The following ALMS1 variants were observed in gnomAD, a reference collection of about 807,000 sequenced individuals.
ALMS1 encodes ALMS1 centrosome and basal body associated protein.
Under a neutral mutation model 352.2 loss-of-function variants are expected in ALMS1, and 271 were observed. The observed-to-expected ratio is 0.77, with a 90% CI of 0.70 to 0.85. ALMS1 has a LOEUF of 0.85. ALMS1 is among the 40% of genes least tolerant of loss of function. The pLI, the probability that ALMS1 is intolerant of heterozygous loss-of-function variation, is 0.00. For synonymous variants in ALMS1, 1,865 were observed against 1,761.2 expected, an observed-to-expected ratio of 1.06 and a Z score of -1.48; for missense variants, 5,445 against 4,870.7, an observed-to-expected ratio of 1.12 and a Z score of -3.51.
At chr2:73,560,997 G>A (rs1454742626) in intron 15 of ALMS1, among the ~76,000 whole-genome samples, 3 of 152,194 alleles carry the variant, frequency 2.0e-5, no homozygotes, top group East Asian at 1.9e-4. Context: ...TCACAAAAGG[G>A]GATGGGCTAG....
At chr2:73,533,347 G>T (rs887397423) in intron 11 of ALMS1, among the ~76,000 whole-genome samples, 1 of 152,176 alleles carries the variant, frequency 6.6e-6, no homozygotes, top group African/African-American at 2.4e-5. Flanking sequence ...TTTTATCACA[G>T]AAACCCTAAA....
chr2:73,451,126 C>A lies in ALMS1; in HGVS notation c.4599C>A (p.Phe1533Leu). Residue 1533 changes from phenylalanine to leucine, a missense_variant, in exon 8 of 23, where the codon TTC (phenylalanine) becomes TTA (leucine). Physicochemically the swap from Phe to Leu is conservative, Grantham distance 22. Transcript: ENST00000613296. ...YSQHRAKSGS[F>L]YQLALLGSQI... ...AACATAGAGCAAAGTCTGGCAGTTT[C>A]TACCAACTGGCATTGCTAGGTAGTC... 1 of 1,613,998 alleles carries A rather than the reference C, an allele frequency of 6.2e-7. No homozygotes were observed.
chr2:73,543,632 A>G (rs569515441), intron 12 of ALMS1, among the ~76,000 whole-genome samples: 93 of 152,206 alleles, frequency 6.1e-4, no homozygotes, highest in South Asian at 4.3e-3. Context: ...TAAAGGGCTA[A>G]TATCCAGAAT....
chr2:73,419,192 A>C lies in ALMS1; in HGVS notation c.520A>C (p.Arg174=). Residue 174 remains arginine, a synonymous_variant, in exon 3 of 23, where the codon AGG becomes CGG. Coordinates refer to ENST00000613296, the MANE Select transcript of ALMS1 (RefSeq NM_001378454.1). ...CCAAACCTTGGATACATCCCAGACT[A>C]GGTTTAATGTGAGAACGGAAGATAC... The part of the protein sequence containing the change: ...SSQTLDTSQT[R]FNVRTEDTEV... 6.2e-7 allele frequency: 1 copy of C among 1,613,986 alleles called. No homozygotes were observed. Among genetic ancestry groups the C allele is most frequent in the Non-Finnish European group, 8.5e-7 (1 of 1,179,882 alleles).
intron 10 of ALMS1, among the ~76,000 whole-genome samples, chr2:73,505,783 C>G (rs1673308432): frequency 6.6e-6 from 1 of 152,138 alleles, no homozygotes; most frequent in African/African-American, 2.4e-5. Context: ...TGTGCAGAAG[C>G]TCTTTAGTTT....
At chr2:73,517,175 C>A (rs564147367) in intron 10 of ALMS1, among the ~76,000 whole-genome samples, 1 of 149,146 alleles carries the variant, frequency 6.7e-6, no homozygotes, top group South Asian at 2.1e-4. Flanking sequence ...CTAGATATTA[C>A]TCTAATACAA....
chr2:73,486,396 T>C (rs1672847153), intron 9 of ALMS1, among the ~76,000 whole-genome samples: 1 of 152,174 alleles, frequency 6.6e-6, no homozygotes, highest in Non-Finnish European at 1.5e-5. Flanking sequence ...TGGCCTTTGC[T>C]GGTGTTGGTG....
intron 10 of ALMS1, among the ~76,000 whole-genome samples, chr2:73,504,321 C>CT (rs1282796512): frequency 5.9e-5 from 9 of 152,152 alleles, no homozygotes; most frequent in African/African-American, 2.2e-4. Context: ...ACATGTATAG[C>CT]TTTATGTAAC....
At chr2:73,402,055 T>A (rs909017701) in intron 1 of ALMS1, among the ~76,000 whole-genome samples, 7 of 151,044 alleles carry the variant, frequency 4.6e-5, no homozygotes, top group East Asian at 1.9e-4. Flanking sequence ...TGTGTGAGTG[T>A]GAGTGTATGT....
rs79993552 is a variant in ALMS1 at position 73,441,852 on chromosome 2, A to G, written c.1433-6108A>G. Among the ~76,000 whole-genome samples the G allele has an allele frequency of 3.9e-4, 60 of 152,140 alleles. No homozygotes were observed. The East Asian group carries it at 8.9e-3, about 23-fold the overall frequency. ...TTTATATCATTTTGTCAGGGACCAG[A>G]AGACAACTGGAGTTTTGAAAACTTG... On this transcript the variant is annotated intron_variant, in intron 7 of 22. Coordinates refer to ENST00000613296, the MANE Select transcript of ALMS1 (RefSeq NM_001378454.1).
chr2:73,462,605 A>G (rs1012092878), intron 9 of ALMS1, among the ~76,000 whole-genome samples: 1 of 152,224 alleles, frequency 6.6e-6, no homozygotes, highest in Non-Finnish European at 1.5e-5. Context: ...CACACATAAC[A>G]ATATTAACTT....
At chr2:73,473,126 C>T (rs1487454201) in intron 9 of ALMS1, among the ~76,000 whole-genome samples, 1 of 152,050 alleles carries the variant, frequency 6.6e-6, no homozygotes, top group Non-Finnish European at 1.5e-5. Context: ...AGACCCTAAG[C>T]TTTCACCACT....
intron 15 of ALMS1, among the ~76,000 whole-genome samples, chr2:73,568,992 C>CTTT (rs1674862318): frequency 3.0e-5 from 2 of 66,902 alleles, no homozygotes; most frequent in Non-Finnish European, 3.0e-5. Flanking sequence ...GCTGCTTCTG[C>CTTT]TTCTTTTTTT....
At position 73,453,475 on chromosome 2, in the gene ALMS1, G is replaced by A. The variant is rs754729193; in HGVS notation, c.6948G>A (p.Leu2316=). Residue 2316 remains leucine (L), a synonymous_variant, in exon 8 of 23, where the codon TTG becomes TTA. Transcript: ENST00000613296. ...CCACGGGTGTATCTAATGGTGATTT[G>A]CTTCACAGACAGCCATTCACAGAGG... ...PSSTGVSNGD[L]LHRQPFTEES... The A allele has an allele frequency of 1.2e-6, 2 of 1,613,306 alleles. No individual in the cohort carries two copies. The highest frequency in any genetic ancestry group is 1.7e-6 in the Non-Finnish European group (2 of 1,179,666).
At chr2:73,473,556 AAG>A (rs984140542) in intron 9 of ALMS1, among the ~76,000 whole-genome samples, 4 of 152,096 alleles carry the variant, frequency 2.6e-5, no homozygotes, top group Non-Finnish European at 5.9e-5. Context: ...CAAAGGAAAA[AAG>A]AGAAATTAAT....
chr2:73,429,654 T>C (rs1198231312), intron 6 of ALMS1, among the ~76,000 whole-genome samples: 1 of 152,200 alleles, frequency 6.6e-6, no homozygotes, highest in East Asian at 1.9e-4. Context: ...AAGCCTTAGA[T>C]TTCTTTTCTC....
At chr2:73,412,087 A>T (rs990850550) in intron 2 of ALMS1, among the ~76,000 whole-genome samples, 2 of 152,224 alleles carry the variant, frequency 1.3e-5, no homozygotes, top group Non-Finnish European at 2.9e-5. Context: ...TATTGTAGGT[A>T]TAGGTTAAAC....
intron 21 of ALMS1, among the ~76,000 whole-genome samples, chr2:73,605,876 C>G (rs1198092186): frequency 6.6e-6 from 1 of 151,834 alleles, no homozygotes; most frequent in Non-Finnish European, 1.5e-5. Flanking sequence ...GAAACTATCA[C>G]TTATCAAGTT....
Position 73,559,115 on chromosome 2 carries a change from A to G in ALMS1, c.10357A>G (p.Lys3453Glu). The G allele has an allele frequency of 1.2e-6, 2 of 1,613,886 alleles. No homozygotes were observed. The highest frequency in any genetic ancestry group is 1.7e-6 in the Non-Finnish European group (2 of 1,179,892). Residue 3453 changes from lysine (K) to glutamate (E), a missense_variant, in exon 15 of 23, where the codon AAA becomes GAA. Physicochemically the swap from Lys to Glu is moderately conservative, Grantham distance 56. Coordinates refer to ENST00000613296, the MANE Select transcript of ALMS1 (RefSeq NM_001378454.1). ...TVPEEAWPNNKESLQINIEES... is the reference protein window; with the variant it reads ...TVPEEAWPNNEESLQINIEES... ...TCCCGAGGAAGCCTGGCCAAACAAT[A>G]AAGAATCCCTACAGATCAATATTGA...
Sources: gnomAD v4.1 joint callset for allele counts (sites outside exome capture counted in the v4.1 genomes callset) on GRCh38, gnomAD v4.1.1 for gene constraint, MANE v1.5 for transcripts, NCBI Gene and HGNC (gene_info 2026-07-23, HGNC 2026-07-21) for gene names.